The following WWOX variants were observed in gnomAD, a reference collection of about 807,000 sequenced individuals.
The protein encoded by WWOX is WW domain containing oxidoreductase, also known as WW domain-containing oxidoreductase.
Under a neutral mutation model 46.2 loss-of-function variants are expected in WWOX, and 69 were observed. The ratio of observed to expected loss-of-function variants is 1.49; its 90% CI spans 1.23 to 1.82. The LOEUF (loss-of-function observed/expected upper bound fraction) is 1.82, where lower values mean the gene tolerates loss of function less well. Among genes scored for constraint, WWOX ranks in the 40% most tolerant of loss-of-function variants. The pLI, the probability that WWOX is intolerant of heterozygous loss-of-function variation, is 0.00. For synonymous variants in WWOX, 359 were observed against 202.6 expected (o/e 1.77, Z -6.56); for missense variants, 919 against 542.6 (o/e 1.69, Z -6.89).
At chr16:78,892,561 T>G (rs2044614041) in intron 8 of WWOX, among the ~76,000 whole-genome samples, 1 of 152,210 alleles carries the variant, frequency 6.6e-6, no homozygotes, top group Non-Finnish European at 1.5e-5. Context: ...AGAGCGTTCT[T>G]CCTCCACATT....
At chr16:78,424,368 C>T (rs2083026913) in intron 6 of WWOX, among the ~76,000 whole-genome samples, 2 of 152,190 alleles carry the variant, frequency 1.3e-5, no homozygotes, top group Admixed American at 1.3e-4. Context: ...GGTCCACCTG[C>T]CTTGGCCTCC....
At chr16:79,167,407 A>G (rs2050616210) in intron 8 of WWOX, among the ~76,000 whole-genome samples, 1 of 152,140 alleles carries the variant, frequency 6.6e-6, no homozygotes. Flanking sequence ...GTTTCCCTCC[A>G]TGACACTGAG....
chr16:78,241,743 G>A (rs774390921), intron 5 of WWOX, among the ~76,000 whole-genome samples: 4 of 152,006 alleles, frequency 2.6e-5, no homozygotes, highest in Admixed American at 6.6e-5. Context: ...CCCCTCACGC[G>A]CAGCCACTGT....
chr16:78,985,674 C>T (rs138704509), intron 8 of WWOX, among the ~76,000 whole-genome samples: 75 of 152,268 alleles, frequency 4.9e-4, no homozygotes, highest in African/African-American at 1.2e-3. Flanking sequence ...GAGGCTGAGG[C>T]AGGAGAATTG....
intron 5 of WWOX, among the ~76,000 whole-genome samples, chr16:78,282,172 C>G (rs1391242492): frequency 6.6e-6 from 1 of 152,150 alleles, no homozygotes; most frequent in Non-Finnish European, 1.5e-5. Context: ...TCCACGGAGT[C>G]TGAGAGGCCC....
At chr16:78,731,660 C>G (rs1382439389) in intron 8 of WWOX, among the ~76,000 whole-genome samples, 35 of 152,028 alleles carry the variant, frequency 2.3e-4, no homozygotes, top group Admixed American at 2.2e-3. Flanking sequence ...TTCAAGTACT[C>G]ATGTGTATGA....
intron 8 of WWOX, among the ~76,000 whole-genome samples, chr16:79,002,941 T>G (rs1051251259): frequency 6.6e-6 from 1 of 152,226 alleles, no homozygotes; most frequent in African/African-American, 2.4e-5. Flanking sequence ...CTCAAAAATC[T>G]ATGCTGTTTA....
At chr16:78,993,726 C>G (rs2046934020) in intron 8 of WWOX, among the ~76,000 whole-genome samples, 1 of 152,214 alleles carries the variant, frequency 6.6e-6, no homozygotes, top group African/African-American at 2.4e-5. Flanking sequence ...AGCAATCTGC[C>G]TGGTGCTAAT....
intron 8 of WWOX, among the ~76,000 whole-genome samples, chr16:78,792,837 C>G (rs1028763956): frequency 1.3e-5 from 2 of 152,120 alleles, no homozygotes; most frequent in Admixed American, 6.5e-5. Flanking sequence ...GTCCACAGCT[C>G]TGCTCTCTGC....
At chr16:78,206,791 A>G (rs750296304) in intron 5 of WWOX, among the ~76,000 whole-genome samples, 1 of 152,218 alleles carries the variant, frequency 6.6e-6, no homozygotes, top group Non-Finnish European at 1.5e-5. Flanking sequence ...TAGTCAGACA[A>G]CTGCAATATT....
chr16:78,188,617 TTC>T (rs1180318283), intron 5 of WWOX, among the ~76,000 whole-genome samples: 1 of 152,084 alleles, frequency 6.6e-6, no homozygotes, highest in Non-Finnish European at 1.5e-5. Flanking sequence ...ATTTAGAAGT[TTC>T]GAGACGATAA....
intron 8 of WWOX, among the ~76,000 whole-genome samples, chr16:78,968,140 G>A (rs2046399678): frequency 6.6e-6 from 1 of 150,704 alleles, no homozygotes; most frequent in African/African-American, 2.5e-5. Flanking sequence ...GGTCCGTGTG[G>A]CACAGCGCGT....
At chr16:78,765,157 G>A (rs1314696820) in intron 8 of WWOX, among the ~76,000 whole-genome samples, 2 of 152,190 alleles carry the variant, frequency 1.3e-5, no homozygotes, top group Admixed American at 6.5e-5. Context: ...AGATCACAGT[G>A]GCCCCACAGT....
chr16:78,835,833 G>C (rs1436751660), intron 8 of WWOX, among the ~76,000 whole-genome samples: 5 of 152,200 alleles, frequency 3.3e-5, no homozygotes, highest in Admixed American at 3.3e-4. Flanking sequence ...GGTAGGAAAA[G>C]AGGAAAAATT....
At chr16:78,965,371 C>T (rs1258044180) in intron 8 of WWOX, among the ~76,000 whole-genome samples, 1 of 152,028 alleles carries the variant, frequency 6.6e-6, no homozygotes, top group African/African-American at 2.4e-5. Flanking sequence ...GAGTTCGAGA[C>T]TAGCCTGGTC....
At chr16:78,773,384 T>C (rs1461405107) in intron 8 of WWOX, among the ~76,000 whole-genome samples, 1 of 152,212 alleles carries the variant, frequency 6.6e-6, no homozygotes, top group African/African-American at 2.4e-5. Context: ...GACCATCCTC[T>C]GGTCCCACCC....
intron 5 of WWOX, among the ~76,000 whole-genome samples, chr16:78,337,278 A>G (rs2080914441): frequency 6.6e-6 from 1 of 152,036 alleles, no homozygotes; most frequent in African/African-American, 2.4e-5. Flanking sequence ...TTGTTTTTTT[A>G]TTCCTTTATA....
chr16:78,138,092 G>A (rs1353408661), intron 4 of WWOX, among the ~76,000 whole-genome samples: 3 of 150,670 alleles, frequency 2.0e-5, no homozygotes, highest in Admixed American at 2.0e-4. Context: ...TTGGCCAACT[G>A]TCTAAATGGC....
intron 8 of WWOX, among the ~76,000 whole-genome samples, chr16:78,529,220 G>T (rs1348018750): frequency 2.0e-5 from 3 of 152,056 alleles, no homozygotes; most frequent in Non-Finnish European, 2.9e-5. Flanking sequence ...CTCCCAAAAT[G>T]CCGAGATTAT....
Sources: gnomAD v4.1 joint callset for allele counts (sites outside exome capture counted in the v4.1 genomes callset) on GRCh38, gnomAD v4.1.1 for gene constraint, MANE v1.5 for transcripts, NCBI Gene and HGNC (gene_info 2026-07-23, HGNC 2026-07-21) for gene names.